The following C19orf47 variants were observed in gnomAD, a reference collection of about 807,000 sequenced individuals.
The protein encoded by C19orf47 is uncharacterized protein C19orf47.
A neutral mutation model predicts 32.3 loss-of-function variants in C19orf47; 18 were observed. That is an observed-to-expected ratio of 0.56 (90% CI 0.39 to 0.83). The LOEUF is 0.83. C19orf47 is among the 40% of genes least tolerant of loss of function. The probability of loss-of-function intolerance (pLI) is 0.00; values close to 1 mark genes in which losing one functional copy is unlikely to be tolerated. For synonymous variants in C19orf47, 202 were observed against 211.1 expected (o/e 0.96, Z 0.37); for missense variants, 484 against 531.6 (o/e 0.91, Z 0.88).
At chr19:40,299,557 T>G in the C19orf47 span, 1 of 152,188 alleles carries the variant, frequency 6.6e-6, no homozygotes, top group African/African-American at 2.4e-5. Flanking sequence ...CATTCCAACT[T>G]TAGTATATGT....
At position 40,333,901 on chromosome 19, in the gene C19orf47, A is replaced by G; in HGVS notation, c.251T>C (p.Val84Ala). 6.3e-7 allele frequency: 1 copy of G among 1,578,624 alleles called. No individual in the cohort carries two copies. The highest frequency in any genetic ancestry group is 2.3e-5 in the East Asian group (1 of 43,804). ...QDMCKAATES[V>A]PCSPSPLAGE... Reference sequence around the variant, plus strand: ...TGCAAGGGGGCTAGGGCTGCAGGGTACTGACTCAGTGGCAGCTTTGCACAT... The same window carrying G: ...TGCAAGGGGGCTAGGGCTGCAGGGTGCTGACTCAGTGGCAGCTTTGCACAT... The change falls in exon 5 of 9, where the codon GTA becomes GCA. Residue 84 changes from valine (V) to alanine (A), a missense_variant. Val to Ala is a moderately conservative substitution (Grantham distance 64). Coordinates refer to ENST00000683109, the MANE Select transcript of C19orf47 (RefSeq NM_001256441.2).
chr19:40,306,151 C>CAAAAA, the C19orf47 span, among the ~76,000 whole-genome samples: 2 of 53,842 alleles, frequency 3.7e-5, no homozygotes, highest in East Asian at 5.9e-4. Flanking sequence ...AACTCTGTCT[C>CAAAAA]AAAAAAAAAA....
At chr19:40,347,593 G>A (rs12150942) in intron 1 of C19orf47, among the ~76,000 whole-genome samples, 93 of 151,956 alleles carry the variant, frequency 6.1e-4, no homozygotes, top group Middle Eastern at 3.4e-3. Flanking sequence ...AACTTACTGG[G>A]GAAAAAAATG....
In C19orf47 at chr19:40,322,167, T is replaced by C. The variant is rs763699312; in HGVS notation, c.873A>G (p.Thr291=). 1.2e-6 allele frequency: 2 copies of C among 1,612,952 alleles called. No homozygotes were observed. Among genetic ancestry groups the C allele is most frequent in the Non-Finnish European group, 1.7e-6 (2 of 1,179,826 alleles). The part of the protein sequence containing the change: ...TSSATTAAAP[T]LRRLALSSRS... Reference sequence around the variant, plus strand: ...GTGAGGAAAGCGCCAGGCGCCGCAGTGTCGGGGCAGCAGCCGTTGTCGCTG... The same window carrying C: ...GTGAGGAAAGCGCCAGGCGCCGCAGCGTCGGGGCAGCAGCCGTTGTCGCTG... The change falls in exon 9 of 9, where the codon ACA becomes ACG. Residue 291 remains threonine (T), a synonymous_variant. Coordinates refer to ENST00000683109, the MANE Select transcript of C19orf47 (RefSeq NM_001256441.2).
intron 5 of C19orf47, among the ~76,000 whole-genome samples, chr19:40,333,055 CGA>C (rs1029720634): frequency 2.6e-5 from 4 of 151,964 alleles, no homozygotes; most frequent in African/African-American, 9.7e-5. Flanking sequence ...GTCAGGAGTT[CGA>C]GACCAGCCTG....
At chr19:40,311,692 G>A in the C19orf47 span, among the ~76,000 whole-genome samples, 1 of 152,036 alleles carries the variant, frequency 6.6e-6, no homozygotes, top group Non-Finnish European at 1.5e-5. Context: ...GTCTTGCTGG[G>A]TCGCCCAGGC....
intron 4 of C19orf47, 89 bp from the exon 5 acceptor site, chr19:40,334,018 G>A (rs534101021): frequency 1.3e-5 from 12 of 922,972 alleles, no homozygotes; most frequent in Non-Finnish European, 1.9e-5. Flanking sequence ...ATCAACACCT[G>A]ACTGCTAGAG....
At chr19:40,303,694 C>T in the C19orf47 span, among the ~76,000 whole-genome samples, 1 of 150,580 alleles carries the variant, frequency 6.6e-6, no homozygotes, top group Non-Finnish European at 1.5e-5. Flanking sequence ...GTCCCAGCTA[C>T]TCAGGAGGCT....
intron 7 of C19orf47, chr19:40,324,776 G>A (rs1568606884): frequency 6.6e-6 from 1 of 152,258 alleles, no homozygotes. Flanking sequence ...GGAGGTGGTG[G>A]TGGGCAGATC....
At chr19:40,297,507 C>G in the C19orf47 span, among the ~76,000 whole-genome samples, 1 of 152,056 alleles carries the variant, frequency 6.6e-6, no homozygotes, top group Non-Finnish European at 1.5e-5. Flanking sequence ...TCAAGATCAG[C>G]CTGGCCAAGA....
At chr19:40,332,376 T>C (rs1033151036) in intron 5 of C19orf47, 1 of 147,178 alleles carries the variant, frequency 6.8e-6, no homozygotes, top group African/African-American at 2.5e-5. Context: ...AAAGGTCAGG[T>C]GCAGTGGTGG....
At chr19:40,316,753 G>A (rs985173261), downstream of C19orf47, among the ~76,000 whole-genome samples, 1 of 152,194 alleles carries the variant, frequency 6.6e-6, no homozygotes, top group Non-Finnish European at 1.5e-5. Flanking sequence ...CTTAAATAAT[G>A]TAATGTAATA....
chr19:40,316,845 G>T (rs2077665307), downstream of C19orf47, among the ~76,000 whole-genome samples: 1 of 152,118 alleles, frequency 6.6e-6, no homozygotes, highest in African/African-American at 2.4e-5. Context: ...AATAGCACGA[G>T]GTAGGAAACA....
Position 40,322,165 on chromosome 19 carries a change from A to C in C19orf47, c.875T>G (p.Leu292Arg). Reference sequence around the variant, plus strand: ...CCGTGAGGAAAGCGCCAGGCGCCGCAGTGTCGGGGCAGCAGCCGTTGTCGC... The same window carrying C: ...CCGTGAGGAAAGCGCCAGGCGCCGCCGTGTCGGGGCAGCAGCCGTTGTCGC... ...SSATTAAAPT[L>R]RRLALSSRSG... Residue 292 changes from leucine (L) to arginine (R), a missense_variant, in exon 9 of 9, where the codon CTG becomes CGG. Around this residue, in one of 3 missense-constraint regions of C19orf47, gnomAD observed 376 missense variants for 370.2 expected, o/e 1.02. Transcript: ENST00000683109. The C allele has an allele frequency of 1.2e-6, 2 of 1,613,164 alleles. No individual in the cohort carries two copies. Among genetic ancestry groups the C allele is most frequent in the Non-Finnish European group, 1.7e-6 (2 of 1,179,920 alleles).
At chr19:40,308,377 G>A in the C19orf47 span, among the ~76,000 whole-genome samples, 1 of 151,134 alleles carries the variant, frequency 6.6e-6, no homozygotes, top group African/African-American at 2.4e-5. Context: ...GGATGGTCTC[G>A]CTCTCCTGAC....
intron 6 of C19orf47, 71 bp downstream of exon 6, chr19:40,328,342 T>C (rs1029866443): frequency 1.3e-6 from 2 of 1,575,628 alleles, no homozygotes; most frequent in African/African-American, 1.4e-5. Flanking sequence ...ATTGGAAGCA[T>C]GACCCCCAAC....
chr19:40,326,519 C>CT, intron 6 of C19orf47, 33 bp from the exon 7 acceptor site: 1 of 1,603,100 alleles, frequency 6.2e-7, no homozygotes, highest in Non-Finnish European at 8.5e-7. Context: ...TCAGCACTCT[C>CT]TGAGACAGAA....
intron 4 of C19orf47, among the ~76,000 whole-genome samples, chr19:40,335,904 C>T (rs1335304208): frequency 1.3e-5 from 2 of 152,218 alleles, no homozygotes; most frequent in Non-Finnish European, 2.9e-5. Flanking sequence ...CCACCGCACC[C>T]GGCCAGGTTT....
At chr19:40,335,958 G>A (rs1182743725) in intron 4 of C19orf47, 152 bp downstream of exon 4, 1 of 660,892 alleles carries the variant, frequency 1.5e-6, no homozygotes, top group East Asian at 2.7e-5. Context: ...AGAGAGGTTG[G>A]GCAATGTGCC....
Sources: gnomAD v4.1 joint callset for allele counts (sites outside exome capture counted in the v4.1 genomes callset) on GRCh38, gnomAD v4.1.1 for gene constraint, gnomAD v4.1.1 regional missense constraint, MANE v1.5 for transcripts, NCBI Gene and HGNC (gene_info 2026-07-23, HGNC 2026-07-21) for gene names.